ADCY9: variants seen among roughly 807,000 people sequenced by gnomAD.
ADCY9 encodes adenylate cyclase type 9.
In ADCY9, 50 loss-of-function variants were observed where a neutral mutation model predicts 101.5. That is an observed-to-expected ratio of 0.49 (90% CI 0.39 to 0.62). The LOEUF (loss-of-function observed/expected upper bound fraction) is 0.62. Among genes scored for constraint, ADCY9 ranks in the 20% least tolerant of loss-of-function variants. The pLI, the probability that ADCY9 is intolerant of heterozygous loss-of-function variation, is 0.00. For missense variants in ADCY9, 1,662 were observed against 1,800.4 expected (o/e 0.92, Z 1.39); for synonymous variants, 905 against 769.3 (o/e 1.18, Z -2.92).
chr16:4,111,310 G>C (rs2057112420), intron 2 of ADCY9, among the ~76,000 whole-genome samples: 1 of 152,070 alleles, frequency 6.6e-6, no homozygotes, highest in African/African-American at 2.4e-5. Context: ...TTTTAAGACA[G>C]AGTTGCTCTG....
At chr16:4,025,703 A>G (rs2056510313) in intron 2 of ADCY9, among the ~76,000 whole-genome samples, 1 of 152,212 alleles carries the variant, frequency 6.6e-6, no homozygotes, top group African/African-American at 2.4e-5. Flanking sequence ...GCAGCTGCAG[A>G]GAAGGCAGAA....
chr16:4,071,520 T>C (rs1490180475), intron 2 of ADCY9, among the ~76,000 whole-genome samples: 3 of 152,110 alleles, frequency 2.0e-5, no homozygotes, highest in Admixed American at 1.3e-4. Flanking sequence ...TCAGGCCAAG[T>C]ATAAAGCAAC....
intron 9 of ADCY9, among the ~76,000 whole-genome samples, chr16:3,976,821 C>G (rs2056096396): frequency 6.6e-6 from 1 of 152,178 alleles, no homozygotes; most frequent in African/African-American, 2.4e-5. Flanking sequence ...CCATGCCTGA[C>G]TAATTTTTGT....
At chr16:4,003,505 G>A (rs952479781) in intron 3 of ADCY9, among the ~76,000 whole-genome samples, 9 of 150,410 alleles carry the variant, frequency 6.0e-5, no homozygotes, top group African/African-American at 1.7e-4. Flanking sequence ...TATCACCACC[G>A]CACTGAAGAG....
rs374472621 is a variant in ADCY9, at chr16:3,962,767, G to A, written c.*3008C>T. On this transcript the variant is annotated 3_prime_UTR_variant, in exon 11 of 11. Transcript: ENST00000294016. ...GGATATATGGAAAATGCAAACAGTC[G>A]GTTCTTGCTAATTCAATTTCAGATT... 2.0e-5 allele frequency: 3 copies of A among 152,234 alleles called. No individual in the cohort carries two copies. Among genetic ancestry groups the A allele is most frequent in the Admixed American group, 6.6e-5 (1 of 15,254 alleles). The allele number at this position is 152,234 out of a possible 1,614,324, so 9.4% of individuals were successfully genotyped here. A position where few individuals can be genotyped will look rare whatever the true frequency, so the allele number is the denominator to read the frequency against.
intron 3 of ADCY9, among the ~76,000 whole-genome samples, chr16:4,003,528 T>C (rs976664394): frequency 1.3e-5 from 2 of 152,058 alleles, no homozygotes; most frequent in Admixed American, 6.5e-5. Flanking sequence ...AAACTCTCAC[T>C]TAGAGGAATT....
intron 2 of ADCY9, among the ~76,000 whole-genome samples, chr16:4,029,658 A>T (rs910368998): frequency 6.6e-6 from 1 of 152,154 alleles, no homozygotes; most frequent in Non-Finnish European, 1.5e-5. Context: ...GAGGCAAAAG[A>T]ATGTTGAACC....
At chr16:3,961,784 G>A (rs1052401349), downstream of ADCY9, among the ~76,000 whole-genome samples, 12 of 152,138 alleles carry the variant, frequency 7.9e-5, no homozygotes, top group Non-Finnish European at 1.0e-4. Context: ...CCAGCACTTC[G>A]GGAGGCTGAG....
At chr16:3,995,180 C>A (rs2056277160) in intron 3 of ADCY9, among the ~76,000 whole-genome samples, 2 of 152,068 alleles carry the variant, frequency 1.3e-5, no homozygotes, top group African/African-American at 4.8e-5. Flanking sequence ...GTAATCCCAG[C>A]ACTTTGGGAA....
At chr16:4,077,572 C>T (rs532177672) in intron 2 of ADCY9, among the ~76,000 whole-genome samples, 3 of 152,130 alleles carry the variant, frequency 2.0e-5, no homozygotes, top group African/African-American at 7.2e-5. Flanking sequence ...AACTCCTAAG[C>T]AGAGAATAGG....
chr16:4,078,702 C>T (rs1597212157), intron 2 of ADCY9, among the ~76,000 whole-genome samples: 1 of 151,714 alleles, frequency 6.6e-6, no homozygotes, highest in Non-Finnish European at 1.5e-5. Context: ...ATAGATAAGA[C>T]CAACATAAAG....
chr16:4,039,728 A>G (rs1246879851), intron 2 of ADCY9, among the ~76,000 whole-genome samples: 3 of 147,246 alleles, frequency 2.0e-5, no homozygotes, highest in African/African-American at 7.6e-5. Flanking sequence ...GAAAGTTAAA[A>G]TTTTACTTTT....
Position 4,114,108 on chromosome 16 carries a change from G to T in ADCY9, c.1335C>A (p.Tyr445Ter). 6.2e-7 allele frequency: 1 copy of T among 1,613,882 alleles called. No individual in the cohort carries two copies. Among genetic ancestry groups the T allele is most frequent in the Non-Finnish European group, 8.5e-7 (1 of 1,180,034 alleles). The change falls in exon 2 of 11, where the codon TAC becomes TAA. Residue 445 changes from tyrosine (Y) to a stop codon, truncating the protein, a stop_gained. Coordinates refer to ENST00000294016, the MANE Select transcript of ADCY9 (RefSeq NM_001116.4). LOFTEE classifies it high-confidence loss of function. The surrounding 1 kb of genome is among the most constrained non-coding windows in gnomAD (Gnocchi z 4.3). ...CEKISTLGDC[Y>*]YCVAGCPEPR... is the part of the protein sequence containing the mutation. ...GCTCGGGACAGCCCGCCACGCAGTA[G>T]TAACAGTCTCCCAGGGTGCTGATTT...
chr16:4,027,914 G>A (rs1009202370), intron 2 of ADCY9, among the ~76,000 whole-genome samples: 8 of 151,322 alleles, frequency 5.3e-5, no homozygotes, highest in Non-Finnish European at 7.4e-5. Flanking sequence ...ATCAGATCTC[G>A]TGAGACTTAT....
chr16:3,993,563 C>A, intron 3 of ADCY9, 53 bp from the exon 4 acceptor site: 1 of 1,599,300 alleles, frequency 6.3e-7, no homozygotes, highest in Non-Finnish European at 8.6e-7. Context: ...CGACTGCCAC[C>A]CTGAATTCAG....
chr16:4,105,761 C>T (rs2057073074), intron 2 of ADCY9, among the ~76,000 whole-genome samples: 1 of 151,684 alleles, frequency 6.6e-6, no homozygotes, highest in African/African-American at 2.4e-5. Context: ...ATGGAAGGAT[C>T]ATCTGAGTGC....
intron 2 of ADCY9, among the ~76,000 whole-genome samples, chr16:4,097,106 T>C (rs1388063600): frequency 2.0e-5 from 3 of 152,070 alleles, no homozygotes; most frequent in African/African-American, 7.2e-5. Context: ...TTGCCAGAAC[T>C]AGGCCGTTCA....
chr16:3,968,137 A>T, intron 10 of ADCY9, among the ~76,000 whole-genome samples: 1 of 152,010 alleles, frequency 6.6e-6, no homozygotes. Context: ...ATTCTCTGAT[A>T]TATTTGGTTC....
At chr16:4,036,462 GTTTTTTTTT>G (rs59816813) in intron 2 of ADCY9, among the ~76,000 whole-genome samples, 1 of 103,684 alleles carries the variant, frequency 9.6e-6, no homozygotes, top group East Asian at 2.6e-4. Context: ...GGGTTTGTTT[GTTTTTTTTT>G]TTTTTTTTTT....
Sources: allele counts gnomAD v4.1 joint callset (sites outside exome capture counted in the v4.1 genomes callset), GRCh38; gene constraint gnomAD v4.1.1; non-coding constraint Gnocchi (gnomAD v3.1); transcripts MANE v1.5; gene names NCBI Gene and HGNC (gene_info 2026-07-23, HGNC 2026-07-21).